Variants in MGMT observed in about 807,000 individuals in gnomAD.
The protein encoded by MGMT is O-6-methylguanine-DNA methyltransferase.
A neutral mutation model predicts 15.9 loss-of-function variants in MGMT; 14 were observed. That is an observed-to-expected ratio of 0.88 (90% confidence interval 0.58 to 1.37). The LOEUF is 1.37. Among genes scored for constraint, MGMT ranks in the 40% most tolerant of loss-of-function variants. MGMT has a pLI of 0.00. For missense variants in MGMT, 282 were observed against 268.1 expected, an observed-to-expected ratio of 1.05 and a Z score of -0.36; for synonymous variants, 130 against 118.2, an observed-to-expected ratio of 1.10 and a Z score of -0.65.
At chr10:129,685,018 A>T (rs2039374) in intron 2 of MGMT, among the ~76,000 whole-genome samples, 2 of 152,004 alleles carry the variant, frequency 1.3e-5, no homozygotes, top group Non-Finnish European at 2.9e-5. Context: ...CTACGTGGGA[A>T]AAGCTTTTGA....
At chr10:129,598,671 T>G (rs1191727179) in intron 2 of MGMT, among the ~76,000 whole-genome samples, 2 of 152,200 alleles carry the variant, frequency 1.3e-5, no homozygotes, top group Non-Finnish European at 2.9e-5. Context: ...TAAGAATATT[T>G]ATGGTTGGAA....
intron 2 of MGMT, among the ~76,000 whole-genome samples, chr10:129,615,136 G>A (rs1052207617): frequency 6.6e-6 from 1 of 152,208 alleles, no homozygotes; most frequent in African/African-American, 2.4e-5. Flanking sequence ...ATCATATGGA[G>A]TGAGATGCCT....
At chr10:129,655,299 C>T (rs1305439678) in intron 2 of MGMT, among the ~76,000 whole-genome samples, 6 of 152,178 alleles carry the variant, frequency 3.9e-5, no homozygotes, top group South Asian at 2.1e-4. Context: ...GTGGAGGGGC[C>T]GCCTCCGAGC....
chr10:129,713,524 T>C (rs1366209207), intron 3 of MGMT, among the ~76,000 whole-genome samples: 1 of 152,072 alleles, frequency 6.6e-6, no homozygotes, highest in South Asian at 2.1e-4. Flanking sequence ...AGTAGGATTG[T>C]CCGATGTCTG....
At position 129,536,364 on chromosome 10, in the gene MGMT, A is replaced by G. The variant is rs1299423070; in HGVS notation, c.112A>G (p.Thr38Ala). The change falls in exon 2 of 5, where the codon ACG (threonine) becomes GCG (alanine). Residue 38 changes from threonine to alanine, a missense_variant. Coordinates refer to ENST00000651593, the MANE Select transcript of MGMT (RefSeq NM_002412.5). Reference sequence around the variant, plus strand: ...CGAAATAAAGCTCCTGGGCAAGGGGACGTCTGCAGCTGAGTAAGTATGAGC... The same window carrying G: ...CGAAATAAAGCTCCTGGGCAAGGGGGCGTCTGCAGCTGAGTAAGTATGAGC... ...LHEIKLLGKG[T>A]SAADAVEVPA... 3 of 1,613,210 alleles carry G rather than the reference A, an allele frequency of 1.9e-6. No homozygotes were observed. The highest frequency in any genetic ancestry group is 1.7e-5 in the Admixed American group (1 of 59,650).
rs2119752570 is a variant in MGMT, at chr10:129,532,948, C to T, written c.-12-3293C>T. ...GCAAACCCTTCCTCTCCCAGGCCGT[C>T]CCTTCCTGCAGCTGCTCGGACACTG... is the stretch of plus-strand genomic sequence containing the variant. On this transcript the variant is annotated intron_variant, in intron 1 of 4. Transcript: ENST00000651593. The surrounding 1 kb of genome is among the most constrained non-coding windows in gnomAD (Gnocchi z 5.3). Among the ~76,000 whole-genome samples, 1 of 152,368 alleles carries T rather than the reference C, an allele frequency of 6.6e-6. No homozygotes were observed. Among genetic ancestry groups the T allele is most frequent in the South Asian group, 2.1e-4 (1 of 4,824 alleles).
chr10:129,733,627 C>T (rs1455854914), intron 3 of MGMT, among the ~76,000 whole-genome samples: 2 of 152,040 alleles, frequency 1.3e-5, no homozygotes, highest in East Asian at 1.9e-4. Flanking sequence ...GACATGAAGT[C>T]CTTGCCCATG....
In MGMT at chr10:129,707,898, C is replaced by T. The variant is rs758393150; in HGVS notation, c.129C>T (p.Ala43=). ...LLGKGTSAAD[A]VEVPAPAAVL... ...GCCCCTGTTCTCACTTTTGCAGTGC[C>T]GTGGAGGTCCCAGCCCCCGCTGCGG... Residue 43 remains alanine, a synonymous_variant, in exon 3 of 5, where the codon GCC becomes GCT. Transcript: ENST00000651593. The T allele has an allele frequency of 5.0e-6, 8 of 1,611,160 alleles. No homozygotes were observed. The highest frequency in any genetic ancestry group is 2.7e-5 in the African/African-American group (2 of 74,870).
chr10:129,532,842 C>G lies in MGMT; in HGVS notation c.-12-3399C>G, dbSNP rs557864295. Among the ~76,000 whole-genome samples the G allele has an allele frequency of 2.0e-5, 3 of 152,146 alleles. No individual in the cohort carries two copies. On this transcript the variant is annotated intron_variant, in intron 1 of 4. Transcript: ENST00000651593. This position sits in a 1 kb window ranked among gnomAD's most constrained non-coding sequence, Gnocchi z 5.3. ...GAAATAGAGGCTTGAGAGAGGAGTGCGCAGCTAGTGTCTGACCAGCCCCCA... is the reference window on the plus strand; with the variant it reads ...GAAATAGAGGCTTGAGAGAGGAGTGGGCAGCTAGTGTCTGACCAGCCCCCA...
chr10:129,546,124 C>G (rs568455080), intron 2 of MGMT, among the ~76,000 whole-genome samples: 3 of 152,356 alleles, frequency 2.0e-5, no homozygotes, highest in South Asian at 2.1e-4. Context: ...CTCGCTCATT[C>G]TCTAAACGTG....
At chr10:129,505,759 GT>G (rs1452608854) in intron 1 of MGMT, among the ~76,000 whole-genome samples, 1 of 152,110 alleles carries the variant, frequency 6.6e-6, no homozygotes, top group Non-Finnish European at 1.5e-5. Context: ...AGCTAATAAA[GT>G]TTTTTGGCTT....
chr10:129,649,588 G>A (rs1351252952), intron 2 of MGMT, among the ~76,000 whole-genome samples: 1 of 152,142 alleles, frequency 6.6e-6, no homozygotes, highest in Admixed American at 6.5e-5. Flanking sequence ...GACACAATTG[G>A]CATCTGTACT....
chr10:129,502,818 T>C (rs548518377), intron 1 of MGMT, among the ~76,000 whole-genome samples: 80 of 152,074 alleles, frequency 5.3e-4, no homozygotes, highest in African/African-American at 1.7e-3. Context: ...TAGAACAAAA[T>C]GAGGAATAGA....
intron 2 of MGMT, among the ~76,000 whole-genome samples, chr10:129,540,047 A>G (rs1448322848): frequency 2.0e-5 from 3 of 152,182 alleles, no homozygotes; most frequent in Admixed American, 2.0e-4. Context: ...TGGCGTCTGC[A>G]TTTGTTTGGG....
At chr10:129,574,865 G>C (rs553536924) in intron 2 of MGMT, among the ~76,000 whole-genome samples, 1 of 152,106 alleles carries the variant, frequency 6.6e-6, no homozygotes, top group Admixed American at 6.5e-5. Flanking sequence ...TCTTATTTCT[G>C]TCAGATCTCT....
At chr10:129,637,993 G>A (rs1249467236) in intron 2 of MGMT, among the ~76,000 whole-genome samples, 1 of 152,210 alleles carries the variant, frequency 6.6e-6, no homozygotes, top group Non-Finnish European at 1.5e-5. Context: ...GCACTCGCGG[G>A]AGAGTGAGTG....
intron 1 of MGMT, among the ~76,000 whole-genome samples, chr10:129,530,188 C>T (rs1845915385): frequency 6.6e-6 from 1 of 152,142 alleles, no homozygotes; most frequent in Non-Finnish European, 1.5e-5. Flanking sequence ...CGGGTGTGAG[C>T]CACCATGACT....
intron 1 of MGMT, among the ~76,000 whole-genome samples, chr10:129,488,056 T>C (rs1316758709): frequency 6.7e-6 from 1 of 148,730 alleles, no homozygotes; most frequent in Non-Finnish European, 1.5e-5. Flanking sequence ...TATACCTATA[T>C]GGTTAGTAGT....
chr10:129,607,039 CT>C (rs1199629509), intron 2 of MGMT, among the ~76,000 whole-genome samples: 1 of 152,152 alleles, frequency 6.6e-6, no homozygotes, highest in African/African-American at 2.4e-5. Flanking sequence ...GGTTCTTGCC[CT>C]ATGGTAGCTT....
Sources: gnomAD v4.1 joint callset for allele counts (sites outside exome capture counted in the v4.1 genomes callset) on GRCh38, gnomAD v4.1.1 for gene constraint, Gnocchi (gnomAD v3.1) non-coding constraint, MANE v1.5 for transcripts, NCBI Gene and HGNC (gene_info 2026-07-23, HGNC 2026-07-21) for gene names.